NYX: variants seen among roughly 807,000 people sequenced by gnomAD.
The protein encoded by NYX is nyctalopin.
For synonymous variants in NYX, 258 were observed against 245.7 expected (o/e 1.05, Z -0.47); for missense variants, 481 against 485.4 (o/e 0.99, Z 0.09).
chrX:41,448,065 C>G (rs919564321), intron 2 of NYX, 139 bp downstream of exon 2: 25 of 604,799 alleles, frequency 4.1e-5, no homozygotes, highest in Non-Finnish European at 5.1e-5. Flanking sequence ...ACCCTGTGAT[C>G]GTGGGGGAGG....
At chrX:41,471,922 C>T (rs750350721) in intron 2 of NYX, among the ~76,000 whole-genome samples, 2 of 109,062 alleles carry the variant, frequency 1.8e-5, no homozygotes, top group Non-Finnish European at 3.8e-5. Flanking sequence ...ACTTTGCAAC[C>T]TCTTTAATAA....
At chrX:41,465,191 T>G (rs906307960) in intron 2 of NYX, among the ~76,000 whole-genome samples, 1 of 57,791 alleles carries the variant, frequency 1.7e-5, no homozygotes, top group African/African-American at 8.9e-5. Context: ...GCTTCTGCTG[T>G]TTTTTTTTTC....
Position 41,473,799 on chromosome X carries a change from C to A in NYX, c.331C>A (p.Arg111Ser), listed in dbSNP as rs1198679980. The change falls in exon 3 of 3, where the codon CGC becomes AGC. Residue 111 changes from arginine (R) to serine (S), a missense_variant. Coordinates refer to ENST00000378220, the MANE Select transcript of NYX (RefSeq NM_001378477.3). ...FKGLPRLAELRLAHNGDLRYL... is the reference protein window; with the variant it reads ...FKGLPRLAELSLAHNGDLRYL... ...GGGCCTGCCGCGCCTGGCTGAGCTG[C>A]GCCTGGCGCACAACGGCGACCTGCG... 8.9e-7 allele frequency: 1 copy of A among 1,125,412 alleles called. No individual in the cohort carries two copies. The highest frequency in any genetic ancestry group is 1.2e-6 in the Non-Finnish European group (1 of 859,292). 92.7% of individuals were successfully genotyped at this position (1,125,412 alleles called of 1,213,427 possible).
chrX:41,452,609 C>G (rs914894851), intron 2 of NYX, among the ~76,000 whole-genome samples: 29 of 111,105 alleles, frequency 2.6e-4, no homozygotes, highest in African/African-American at 9.2e-4. Context: ...GTGTTTGTTT[C>G]CAGTTTGAGG....
intron 2 of NYX, among the ~76,000 whole-genome samples, chrX:41,455,501 C>T (rs1300165450): frequency 1.8e-5 from 2 of 109,536 alleles, no homozygotes; most frequent in African/African-American, 6.7e-5. Flanking sequence ...GCTGTGCCCT[C>T]GGGGTGAGTA....
chrX:41,470,626 G>A (rs2858998), intron 2 of NYX, among the ~76,000 whole-genome samples: 30,244 of 104,295 alleles, frequency 0.29, 3,937 homozygotes, highest in East Asian at 0.43. Flanking sequence ...CCTGGGAGGC[G>A]GAGGTTGCAG....
chrX:41,463,337 G>A (rs1048076524), intron 2 of NYX, among the ~76,000 whole-genome samples: 3 of 110,990 alleles, frequency 2.7e-5, no homozygotes, highest in East Asian at 2.8e-4. Flanking sequence ...TTTCATTTAC[G>A]TGTTTTAAAC....
chrX:41,465,516 G>A (rs1204457482), intron 2 of NYX, among the ~76,000 whole-genome samples: 2 of 105,860 alleles, frequency 1.9e-5, no homozygotes, highest in African/African-American at 7.0e-5. Flanking sequence ...CCTCTAACTT[G>A]GCAGACCTTG....
rs762960396 is a variant in NYX at position 41,474,909 on chromosome X, AG to A, written c.*16del. On this transcript the variant is annotated 3_prime_UTR_variant, in exon 3 of 3. Transcript: ENST00000378220. ...CCTGCAGATGGACTGACCTGGCCAG[AG>A]GGGGGAAAGTTTGCTTAACTGGGCT... is the stretch of plus-strand genomic sequence containing the variant. 144 of 1,184,126 alleles carry A rather than the reference AG, an allele frequency of 1.2e-4. 1 individual carries two copies. The Middle Eastern group carries it at 3.2e-3, about 27-fold the overall frequency.
chrX:41,447,722 G>A (rs2064263183), intron 1 of NYX, 127 bp from the exon 2 acceptor site: 2 of 518,185 alleles, frequency 3.9e-6, no homozygotes, highest in Non-Finnish European at 3.4e-6. Context: ...CCAACACCAG[G>A]GTCATTAAGA....
At chrX:41,464,697 T>TGTGTG (rs1463315753) in intron 2 of NYX, among the ~76,000 whole-genome samples, 1 of 49,515 alleles carries the variant, frequency 2.0e-5, no homozygotes, top group Non-Finnish European at 3.9e-5. Context: ...GTGTGTGTGT[T>TGTGTG]TTATGTTACT....
At chrX:41,450,828 ATTTTTTTTTTTT>A (rs745395959) in intron 2 of NYX, among the ~76,000 whole-genome samples, 2 of 68,200 alleles carry the variant, frequency 2.9e-5, no homozygotes, top group African/African-American at 6.0e-5. Context: ...ATATATATAT[ATTTTTTTTTTTT>A]TTTTTTTTTT....
rs2064370488 is a variant in NYX at position 41,473,452 on chromosome X, TCTC to T, written c.23-33_23-31del. 7 of 955,329 alleles carry T rather than the reference TCTC, an allele frequency of 7.3e-6. No homozygotes were observed. In the Admixed American group the frequency reaches 4.3e-4, roughly 58 times the overall value. 78.7% of individuals were successfully genotyped at this position (955,329 alleles called of 1,213,427 possible). On this transcript the variant is annotated intron_variant, in intron 2 of 2. Transcript: ENST00000378220. Reference sequence around the variant, plus strand: ...TGACGGTTGCTCCTTTTTTCTCTTTTCTCCTCCTTCCCGACTCCCCACCACCCT... The same window carrying T: ...TGACGGTTGCTCCTTTTTTCTCTTTTCTCCTTCCCGACTCCCCACCACCCT...
chrX:41,451,087 C>A (rs2064278677), intron 2 of NYX, among the ~76,000 whole-genome samples: 1 of 110,137 alleles, frequency 9.1e-6, no homozygotes, highest in Admixed American at 9.9e-5. Flanking sequence ...GCTGCCTCAG[C>A]CTCCCAAAGT....
Position 41,450,504 on chromosome X carries a change from C to G in NYX, c.22+2578C>G, listed in dbSNP as rs12013845. On this transcript the variant is annotated intron_variant, in intron 2 of 2. Coordinates refer to ENST00000378220, the MANE Select transcript of NYX (RefSeq NM_001378477.3). ...CAGGCTGGTCTTGAACTCATGGCCT[C>G]AAGTGATCTGCCTGCCTTGGCCTTC... Among the ~76,000 whole-genome samples the G allele has an allele frequency of 6.5e-3, 715 of 110,502 alleles. 6 individuals are homozygous for G. The highest frequency in any genetic ancestry group is 0.022 in the African/African-American group (679 of 30,373).
intron 2 of NYX, among the ~76,000 whole-genome samples, chrX:41,463,422 CTT>C (rs58958947): frequency 0.33 from 31,958 of 95,799 alleles, 4,618 homozygotes; most frequent in African/African-American, 0.49. Flanking sequence ...ATAGTAGTCT[CTT>C]TTTTTTTTTT....
At chrX:41,453,090 T>C (rs1488064023) in intron 2 of NYX, among the ~76,000 whole-genome samples, 2 of 112,601 alleles carry the variant, frequency 1.8e-5, no homozygotes, top group African/African-American at 6.4e-5. Context: ...AGGCTCAAGT[T>C]CTTTTAAAAC....
chrX:41,450,046 T>C (rs1713584303), intron 2 of NYX, among the ~76,000 whole-genome samples: 1 of 110,881 alleles, frequency 9.0e-6, no homozygotes, highest in African/African-American at 3.3e-5. Context: ...GCAGGGAAAT[T>C]TGGGGCAAGA....
rs1315626206 is a variant in NYX at position 41,473,655 on chromosome X, G to A, written c.187G>A (p.Asp63Asn). The A allele has an allele frequency of 4.6e-6, 5 of 1,097,285 alleles. No homozygotes were observed. The highest frequency in any genetic ancestry group is 5.9e-6 in the Non-Finnish European group (5 of 843,137). 90.4% of individuals were successfully genotyped at this position (1,097,285 alleles called of 1,213,427 possible). ...AELPCEAVSI[D>N]LDRNGLRFLG... is the part of the protein sequence containing the mutation. ...GCTCCCGTGCGAGGCGGTCTCCATCGACCTGGACCGGAACGGCCTGCGCTT... is the reference window on the plus strand; with the variant it reads ...GCTCCCGTGCGAGGCGGTCTCCATCAACCTGGACCGGAACGGCCTGCGCTT... The change falls in exon 3 of 3, where the codon GAC (aspartate) becomes AAC (asparagine). Residue 63 changes from aspartate (D) to asparagine (N), a missense_variant. Coordinates refer to ENST00000378220, the MANE Select transcript of NYX (RefSeq NM_001378477.3).
Sources: allele counts gnomAD v4.1 joint callset (sites outside exome capture counted in the v4.1 genomes callset), GRCh38; gene constraint gnomAD v4.1.1; transcripts MANE v1.5; gene names NCBI Gene and HGNC (gene_info 2026-07-23, HGNC 2026-07-21).